Variants in PPARGC1A observed in about 807,000 individuals in gnomAD.
PPARGC1A encodes peroxisome proliferator-activated receptor gamma coactivator 1-alpha.
Under a neutral mutation model 88.7 loss-of-function variants are expected in PPARGC1A, and 25 were observed. The observed-to-expected ratio is 0.28, with a 90% confidence interval of 0.21 to 0.39. The LOEUF is 0.39. Ranked by LOEUF, PPARGC1A falls within the 10% of genes least tolerant of loss-of-function variation. The pLI, the probability that PPARGC1A is intolerant of heterozygous loss-of-function variation, is 1.00. For synonymous variants in PPARGC1A, 363 were observed against 355.6 expected (o/e 1.02, Z -0.24); for missense variants, 880 against 968.7 (o/e 0.91, Z 1.22).
At chr4:24,369,020 A>T in the PPARGC1A span, among the ~76,000 whole-genome samples, 6 of 152,256 alleles carry the variant, frequency 3.9e-5, no homozygotes, top group Middle Eastern at 0.01. Flanking sequence ...CGAGCACCCC[A>T]TCTGGCTCTG....
chr4:24,171,730 A>G, the PPARGC1A span, among the ~76,000 whole-genome samples: 1 of 152,234 alleles, frequency 6.6e-6, no homozygotes, highest in East Asian at 1.9e-4. Context: ...CTATAAAAAT[A>G]TTAATTCATG....
the PPARGC1A span, among the ~76,000 whole-genome samples, chr4:24,280,804 A>G: frequency 1.1e-3 from 169 of 152,332 alleles, 3 homozygotes; most frequent in South Asian, 0.018. Flanking sequence ...ATGTGAAGAC[A>G]CTTTTGTTGT....
the PPARGC1A span, among the ~76,000 whole-genome samples, chr4:24,283,154 G>T: frequency 1.3e-5 from 2 of 152,160 alleles, no homozygotes; most frequent in African/African-American, 4.8e-5. Context: ...ACAAAGACAT[G>T]GTGGTGGTAT....
At chr4:23,799,136 T>C (rs1378962883) in intron 12 of PPARGC1A, among the ~76,000 whole-genome samples, 2 of 152,206 alleles carry the variant, frequency 1.3e-5, no homozygotes, top group Non-Finnish European at 2.9e-5. Flanking sequence ...GAGTCCAGTA[T>C]ATTCTTATGC....
chr4:24,282,419 T>C, the PPARGC1A span, among the ~76,000 whole-genome samples: 13 of 152,214 alleles, frequency 8.5e-5, no homozygotes, highest in Admixed American at 2.6e-4. Context: ...GTGTGGTTTT[T>C]GTTGCCCCCA....
At chr4:24,009,261 C>T in the PPARGC1A span, among the ~76,000 whole-genome samples, 2 of 151,648 alleles carry the variant, frequency 1.3e-5, no homozygotes, top group African/African-American at 2.4e-5. Flanking sequence ...TGCGATCTTA[C>T]GTTAATAAGC....
intron 11 of PPARGC1A, 80 bp downstream of exon 11, chr4:23,802,144 C>T: frequency 6.3e-7 from 1 of 1,585,024 alleles, no homozygotes; most frequent in Non-Finnish European, 8.6e-7. Flanking sequence ...ACATTGGCAA[C>T]TCCCATCCCA....
chr4:24,168,551 G>A, the PPARGC1A span, among the ~76,000 whole-genome samples: 1 of 152,122 alleles, frequency 6.6e-6, no homozygotes, highest in Non-Finnish European at 1.5e-5. Flanking sequence ...TTGGACCGGG[G>A]CAGGAAATAT....
At chr4:23,979,160 A>G in the PPARGC1A span, among the ~76,000 whole-genome samples, 1 of 152,212 alleles carries the variant, frequency 6.6e-6, no homozygotes, top group Non-Finnish European at 1.5e-5. Context: ...TTATTGAAGA[A>G]CACTAGCACC....
At chr4:24,285,398 A>C in the PPARGC1A span, among the ~76,000 whole-genome samples, 3 of 152,112 alleles carry the variant, frequency 2.0e-5, no homozygotes, top group Admixed American at 6.5e-5. Flanking sequence ...TCAGAAAGGA[A>C]TGAGGAATGA....
chr4:23,967,750 A>G, the PPARGC1A span, among the ~76,000 whole-genome samples: 31 of 151,856 alleles, frequency 2.0e-4, no homozygotes, highest in African/African-American at 7.5e-4. Context: ...TTTCTTTTGA[A>G]TATTGTAATG....
At chr4:24,400,462 C>T in the PPARGC1A span, among the ~76,000 whole-genome samples, 1 of 152,184 alleles carries the variant, frequency 6.6e-6, no homozygotes, top group Non-Finnish European at 1.5e-5. Context: ...GCTCTCCTTG[C>T]TCCTCAGCTT....
the PPARGC1A span, among the ~76,000 whole-genome samples, chr4:23,998,909 A>C: frequency 6.6e-6 from 1 of 152,368 alleles, no homozygotes; most frequent in Non-Finnish European, 1.5e-5. Context: ...TCAATGATTA[A>C]AATTCCAAAT....
At chr4:23,933,139 T>G in the PPARGC1A span, among the ~76,000 whole-genome samples, 1 of 152,202 alleles carries the variant, frequency 6.6e-6, no homozygotes. Context: ...TGAATTTTTT[T>G]TTAAGTAGGG....
Position 23,829,448 on chromosome 4 carries a change from A to C in PPARGC1A, c.552+15T>G, listed in dbSNP as rs1724605064. ...TTGGTACATCCCCCCTGTATTAAAAAATTTACATTTGTACCTTAACAATTG... is the reference window on the plus strand; with the variant it reads ...TTGGTACATCCCCCCTGTATTAAAACATTTACATTTGTACCTTAACAATTG... On this transcript the variant is annotated intron_variant, in intron 4 of 12. Coordinates refer to ENST00000264867, the MANE Select transcript of PPARGC1A (RefSeq NM_013261.5). 6.2e-7 allele frequency: 1 copy of C among 1,611,560 alleles called. No homozygotes were observed. Among genetic ancestry groups the C allele is most frequent in the Non-Finnish European group, 8.5e-7 (1 of 1,178,316 alleles).
chr4:24,081,058 A>G, the PPARGC1A span, among the ~76,000 whole-genome samples: 1 of 152,122 alleles, frequency 6.6e-6, no homozygotes, highest in Non-Finnish European at 1.5e-5. Flanking sequence ...TGATGCAAGA[A>G]AAGTGCAACA....
At chr4:24,339,216 AT>A in the PPARGC1A span, among the ~76,000 whole-genome samples, 1 of 42,292 alleles carries the variant, frequency 2.4e-5, no homozygotes, top group Non-Finnish European at 5.7e-5. Flanking sequence ...GTGTGTGTAT[AT>A]ATATATATAT....
chr4:23,941,870 T>C, the PPARGC1A span, among the ~76,000 whole-genome samples: 1 of 152,316 alleles, frequency 6.6e-6, no homozygotes, highest in Middle Eastern at 3.4e-3. Flanking sequence ...ATGACTATAA[T>C]ATCATTCCTT....
intron 2 of PPARGC1A, among the ~76,000 whole-genome samples, chr4:23,836,154 AAAG>A (rs1272958853): frequency 6.6e-6 from 1 of 152,194 alleles, no homozygotes; most frequent in Admixed American, 6.5e-5. Flanking sequence ...GTTGGGGAAA[AAAG>A]AAAAGAAAAT....
Sources: gnomAD v4.1 joint callset for allele counts (sites outside exome capture counted in the v4.1 genomes callset) on GRCh38, gnomAD v4.1.1 for gene constraint, MANE v1.5 for transcripts, NCBI Gene and HGNC (gene_info 2026-07-23, HGNC 2026-07-21) for gene names.